Variants in DST observed in about 807,000 individuals in gnomAD.
The protein encoded by DST is bullous pemphigoid antigen.
DST carries 253 observed loss-of-function variants against 875.2 expected under a neutral mutation model. That is an observed-to-expected ratio of 0.29 (90% confidence interval 0.26 to 0.32). The LOEUF (loss-of-function observed/expected upper bound fraction) is 0.32, where lower values mean the gene tolerates loss of function less well. DST is among the 10% of genes least tolerant of loss of function. DST has a pLI of 1.00. For missense variants in DST, 8,287 were observed against 9,111.6 expected, an observed-to-expected ratio of 0.91 and a Z score of 3.68; for synonymous variants, 3,124 against 3,197.1, an observed-to-expected ratio of 0.98 and a Z score of 0.77.
intron 2 of DST, among the ~76,000 whole-genome samples, chr6:56,918,210 T>A (rs1042601083): frequency 1.3e-5 from 2 of 151,468 alleles, no homozygotes; most frequent in African/African-American, 4.9e-5. Flanking sequence ...CACTGCAACC[T>A]CCACCTCCCG....
At position 56,594,158 on chromosome 6, in the gene DST, T is replaced by G; in HGVS notation, c.12231A>C (p.Ala4077=). ...GTGCAGACTGAGTGGCTATGATCAC[T>G]GCTTGGTGCTGAGAGATGATCTTCT... ...QHEKIISQHQ[A]VIIATQSAQV... is the part of the protein sequence containing the mutation. Residue 4077 remains alanine (A), a synonymous_variant, in exon 48 of 104, where the codon GCA becomes GCC. Transcript: ENST00000680361. 1 of 1,555,008 alleles carries G rather than the reference T, an allele frequency of 6.4e-7. No individual in the cohort carries two copies.
chr6:56,814,174 C>T (rs918828327), intron 4 of DST, among the ~76,000 whole-genome samples: 1 of 151,896 alleles, frequency 6.6e-6, no homozygotes, highest in Non-Finnish European at 1.5e-5. Context: ...AATATAGGTT[C>T]GCATAATGAA....
chr6:56,595,972 C>G (rs1043042726), intron 47 of DST, among the ~76,000 whole-genome samples: 2 of 151,678 alleles, frequency 1.3e-5, no homozygotes, highest in African/African-American at 4.8e-5. Context: ...GTGCTTTGGC[C>G]CTCTCTCCAT....
intron 4 of DST, among the ~76,000 whole-genome samples, chr6:56,822,366 G>A (rs1007944010): frequency 1.3e-5 from 2 of 152,144 alleles, no homozygotes; most frequent in East Asian, 1.9e-4. Flanking sequence ...GGGATGGGAC[G>A]CAGGGGGAGG....
Position 56,850,409 on chromosome 6 carries a change from CAAAAAAA to C in DST, c.625+981_625+987del, listed in dbSNP as rs70989736. Reference sequence around the variant, plus strand: ...CAACTTTGCAATACAGTATAGGAGGCAAAAAAAAAAAAAAAAAACAACTGTGGAAAGG... The same window carrying C: ...CAACTTTGCAATACAGTATAGGAGGCAAAAAAAAAAACAACTGTGGAAAGG... On this transcript the variant is annotated intron_variant, in intron 4 of 103. Transcript: ENST00000680361. Among the ~76,000 whole-genome samples, 145 of 77,300 alleles carry C rather than the reference CAAAAAAA, an allele frequency of 1.9e-3. No homozygotes were observed. The South Asian group carries it at 0.021, about 11-fold the overall frequency. 50.7% of individuals were successfully genotyped at this position (77,300 alleles called of 152,430 possible).
At chr6:56,783,786 T>G (rs2099699339) in intron 4 of DST, among the ~76,000 whole-genome samples, 1 of 152,236 alleles carries the variant, frequency 6.6e-6, no homozygotes, top group Admixed American at 6.5e-5. Context: ...GCTGGTTATT[T>G]TGCTCGTTAG....
At chr6:56,482,355 T>A (rs2095430135) in intron 89 of DST, 177 bp from the exon 90 acceptor site, 1 of 745,912 alleles carries the variant, frequency 1.3e-6, no homozygotes, top group Non-Finnish European at 1.9e-6. Flanking sequence ...AAGAAAACAC[T>A]TAATATATTA....
chr6:56,656,919 T>G (rs2099011663), intron 10 of DST, among the ~76,000 whole-genome samples: 1 of 152,078 alleles, frequency 6.6e-6, no homozygotes, highest in South Asian at 2.1e-4. Flanking sequence ...CATGCTGAAG[T>G]TCCAGATTAT....
Position 56,482,063 on chromosome 6 carries a change from A to T in DST, c.21518T>A (p.Ile7173Asn), listed in dbSNP as rs200299941. The T allele has an allele frequency of 2.5e-6, 4 of 1,613,762 alleles. No homozygotes were observed. In the South Asian group the frequency reaches 4.4e-5, roughly 18 times the overall value. ...PDDEDALRTL[I>N]DQHKEFMKKL... ...TATATTACTCACTTTATGCTGATCA[A>T]TGAGAGTCCGGAGAGCATCCTCATC... The change falls in exon 90 of 104, where the codon ATT becomes AAT. Residue 7173 changes from isoleucine to asparagine, a missense_variant. By Grantham distance (149) the Ile-to-Asn change is moderately radical. This residue lies in a region of DST where 1,292 missense variants were observed against 1,552.7 expected (regional missense o/e 0.83). Transcript: ENST00000680361.
intron 3 of DST, among the ~76,000 whole-genome samples, chr6:56,859,138 A>G (rs748075655): frequency 2.4e-4 from 36 of 152,212 alleles, no homozygotes; most frequent in Non-Finnish European, 4.6e-4. Flanking sequence ...TCAGTTCACA[A>G]CAAAGAAAAA....
intron 2 of DST, among the ~76,000 whole-genome samples, chr6:56,912,668 G>A (rs147088299): frequency 4.0e-4 from 61 of 152,312 alleles, no homozygotes; most frequent in Middle Eastern, 3.4e-3. Context: ...AGTGGGGGTG[G>A]TGCTCTGCTC....
At chr6:56,776,806 T>C (rs1288435410) in intron 4 of DST, among the ~76,000 whole-genome samples, 1 of 152,214 alleles carries the variant, frequency 6.6e-6, no homozygotes, top group Non-Finnish European at 1.5e-5. Flanking sequence ...AAAAACTTAC[T>C]GGCACTAAAT....
intron 9 of DST, among the ~76,000 whole-genome samples, chr6:56,685,857 T>C (rs1029121369): frequency 3.9e-5 from 6 of 152,212 alleles, no homozygotes; most frequent in African/African-American, 1.2e-4. Flanking sequence ...ATGCAAATAG[T>C]TCAGCCCCTG....
At chr6:56,933,947 G>C (rs1028558492) in intron 2 of DST, among the ~76,000 whole-genome samples, 6 of 152,282 alleles carry the variant, frequency 3.9e-5, no homozygotes, top group African/African-American at 1.4e-4. Context: ...ACAGGCTTTT[G>C]TAAGAGCCAA....
intron 4 of DST, among the ~76,000 whole-genome samples, chr6:56,827,333 G>A (rs990413127): frequency 1.3e-5 from 2 of 152,004 alleles, no homozygotes; most frequent in Non-Finnish European, 2.9e-5. Flanking sequence ...GACCAACATG[G>A]TGAAACCCCG....
chr6:56,898,326 A>G (rs547879590), intron 3 of DST, among the ~76,000 whole-genome samples: 22 of 152,226 alleles, frequency 1.4e-4, no homozygotes, highest in Non-Finnish European at 2.6e-4. Flanking sequence ...AAGGAAAAAC[A>G]TTCAAGGGCA....
At chr6:56,554,825 G>A (rs1320569950) in intron 60 of DST, among the ~76,000 whole-genome samples, 1 of 152,150 alleles carries the variant, frequency 6.6e-6, no homozygotes, top group African/African-American at 2.4e-5. Context: ...GCTTTCTGAT[G>A]AAGTGAATTC....
In DST at chr6:56,779,110, T is replaced by C. The variant is rs574883870; in HGVS notation, c.626-43821A>G. On this transcript the variant is annotated intron_variant, in intron 4 of 103. Coordinates refer to ENST00000680361, the MANE Select transcript of DST (RefSeq NM_001374736.1). Reference sequence around the variant, plus strand: ...GTGAGATGGTATCTCATTGTGGTTTTGATTTGCATTTCTCTGATGGCCAGT... The same window carrying C: ...GTGAGATGGTATCTCATTGTGGTTTCGATTTGCATTTCTCTGATGGCCAGT... Among the ~76,000 whole-genome samples the C allele has an allele frequency of 4.5e-4, 68 of 152,266 alleles. 2 individuals are homozygous for C. The highest frequency in any genetic ancestry group is 1.6e-3 in the African/African-American group (66 of 41,488).
chr6:56,869,924 A>G (rs6926742), intron 3 of DST, among the ~76,000 whole-genome samples: 37,712 of 151,796 alleles, frequency 0.25, 6,259 homozygotes, highest in African/African-American at 0.47. Context: ...GAGCTCAAGC[A>G]ATCCACCTGC....
Sources: allele counts gnomAD v4.1 joint callset (sites outside exome capture counted in the v4.1 genomes callset), GRCh38; gene constraint gnomAD v4.1.1; regional missense constraint gnomAD v4.1.1; transcripts MANE v1.5; gene names NCBI Gene and HGNC (gene_info 2026-07-23, HGNC 2026-07-21).